LRMDA: variants seen among roughly 807,000 people sequenced by gnomAD.
The protein encoded by LRMDA is leucine rich melanocyte differentiation associated.
In LRMDA, 18 loss-of-function variants were observed where a neutral mutation model predicts 29.8. The observed-to-expected ratio is 0.60, with a 90% CI of 0.42 to 0.90. The LOEUF (loss-of-function observed/expected upper bound fraction) is 0.90. LRMDA is among the 40% of genes least tolerant of loss of function. The probability of loss-of-function intolerance (pLI) is 0.00; values close to 1 mark genes in which losing one functional copy is unlikely to be tolerated. For missense variants in LRMDA, 273 were observed against 273.9 expected, an observed-to-expected ratio of 1.00 and a Z score of 0.02; for synonymous variants, 125 against 109.4, an observed-to-expected ratio of 1.14 and a Z score of -0.89.
intron 2 of LRMDA, among the ~76,000 whole-genome samples, chr10:75,901,760 C>T (rs1369191449): frequency 2.6e-5 from 4 of 152,170 alleles, no homozygotes; most frequent in African/African-American, 9.7e-5. Context: ...ACTAATAGAA[C>T]AAGAGAAGCT....
At chr10:75,843,343 A>G (rs887287685) in intron 2 of LRMDA, among the ~76,000 whole-genome samples, 1 of 152,196 alleles carries the variant, frequency 6.6e-6, no homozygotes, top group South Asian at 2.1e-4. Context: ...TATTTTCTGT[A>G]TTGGAAGATG....
chr10:75,904,694 T>C (rs987409897), intron 2 of LRMDA, among the ~76,000 whole-genome samples: 2 of 152,224 alleles, frequency 1.3e-5, no homozygotes, highest in Non-Finnish European at 2.9e-5. Context: ...ACCAAGATTT[T>C]AATCAGCGCT....
chr10:75,505,736 A>T (rs560048664), intron 2 of LRMDA, among the ~76,000 whole-genome samples: 2 of 152,100 alleles, frequency 1.3e-5, no homozygotes, highest in African/African-American at 4.8e-5. Context: ...GCTGTCCCTG[A>T]TCCCTCCACC....
intron 2 of LRMDA, among the ~76,000 whole-genome samples, chr10:75,469,480 A>G (rs1844700303): frequency 1.3e-5 from 2 of 151,302 alleles, no homozygotes; most frequent in South Asian, 2.1e-4. Context: ...TTCCTTCCCA[A>G]CCCCTTTCTG....
At chr10:75,714,979 G>A (rs1052883350) in intron 2 of LRMDA, among the ~76,000 whole-genome samples, 1 of 151,952 alleles carries the variant, frequency 6.6e-6, no homozygotes, top group Non-Finnish European at 1.5e-5. Flanking sequence ...CAGGTCAAGG[G>A]GAACTGGTTT....
intron 6 of LRMDA, among the ~76,000 whole-genome samples, chr10:76,378,646 G>A (rs1841550270): frequency 6.6e-6 from 1 of 151,624 alleles, no homozygotes; most frequent in East Asian, 1.9e-4. Flanking sequence ...TAATCATATG[G>A]CTTTTGTTTT....
intron 2 of LRMDA, among the ~76,000 whole-genome samples, chr10:75,754,092 C>T (rs193231342): frequency 4.5e-4 from 68 of 152,314 alleles, no homozygotes; most frequent in Non-Finnish European, 8.7e-4. Flanking sequence ...ATGCACATTC[C>T]TGCTTCCAGC....
At chr10:76,465,110 G>T (rs1203057772) in intron 6 of LRMDA, among the ~76,000 whole-genome samples, 4 of 152,086 alleles carry the variant, frequency 2.6e-5, no homozygotes, top group Non-Finnish European at 5.9e-5. Context: ...ACTCTTGGTG[G>T]CCTCTCCATT....
chr10:75,803,246 T>C (rs1449101150), intron 2 of LRMDA, among the ~76,000 whole-genome samples: 3 of 152,174 alleles, frequency 2.0e-5, no homozygotes, highest in African/African-American at 7.2e-5. Context: ...TTGGTTTACT[T>C]ATCTGTCAAA....
intron 6 of LRMDA, among the ~76,000 whole-genome samples, chr10:76,552,408 C>G (rs1026849231): frequency 3.9e-5 from 6 of 152,156 alleles, no homozygotes; most frequent in African/African-American, 1.4e-4. Context: ...CCCAGAGGCC[C>G]CCTTCTATCC....
chr10:75,623,505 T>C (rs545127324), intron 2 of LRMDA, among the ~76,000 whole-genome samples: 1 of 152,274 alleles, frequency 6.6e-6, no homozygotes, highest in East Asian at 1.9e-4. Flanking sequence ...CCACAGTGAA[T>C]GGGCCAGGCT....
chr10:76,551,505 A>T (rs1010269267), intron 6 of LRMDA, among the ~76,000 whole-genome samples: 1 of 152,226 alleles, frequency 6.6e-6, no homozygotes, highest in Admixed American at 6.5e-5. Flanking sequence ...GGTTCAACCT[A>T]TAATTGTTTA....
chr10:76,188,920 G>T (rs1026182168), intron 5 of LRMDA, among the ~76,000 whole-genome samples: 3 of 143,616 alleles, frequency 2.1e-5, no homozygotes, highest in Non-Finnish European at 4.5e-5. Flanking sequence ...ATGCCTCTAG[G>T]CGAATGATTG....
chr10:75,633,891 A>G (rs1841358265), intron 2 of LRMDA, among the ~76,000 whole-genome samples: 1 of 152,234 alleles, frequency 6.6e-6, no homozygotes, highest in African/African-American at 2.4e-5. Flanking sequence ...CCAAGTGTTT[A>G]GTCAATAAAA....
At chr10:75,467,733 T>C (rs1844671506) in intron 2 of LRMDA, among the ~76,000 whole-genome samples, 1 of 151,766 alleles carries the variant, frequency 6.6e-6, no homozygotes, top group African/African-American at 2.4e-5. Flanking sequence ...GAGGCCGAGG[T>C]GGGCAGATCA....
chr10:75,650,744 G>C (rs747856439), intron 2 of LRMDA, among the ~76,000 whole-genome samples: 3 of 152,058 alleles, frequency 2.0e-5, no homozygotes, highest in African/African-American at 7.2e-5. Flanking sequence ...TAACTGGAAG[G>C]CTCAGATTTC....
chr10:75,564,835 C>G (rs867745671), intron 2 of LRMDA, among the ~76,000 whole-genome samples: 2 of 152,218 alleles, frequency 1.3e-5, no homozygotes, highest in African/African-American at 4.8e-5. Context: ...ATATTTTTCA[C>G]AAGCTTCAAA....
chr10:75,623,119 A>G (rs1841208414), intron 2 of LRMDA, among the ~76,000 whole-genome samples: 1 of 152,248 alleles, frequency 6.6e-6, no homozygotes, highest in South Asian at 2.1e-4. Context: ...TGTAAAGCAA[A>G]CAGTGAGACT....
chr10:76,119,206 T>C (rs1849725868), intron 5 of LRMDA, among the ~76,000 whole-genome samples: 1 of 152,054 alleles, frequency 6.6e-6, no homozygotes, highest in Non-Finnish European at 1.5e-5. Context: ...TAGCTGCCTC[T>C]GTATCTCTCG....
Sources: allele counts gnomAD v4.1 joint callset (sites outside exome capture counted in the v4.1 genomes callset), GRCh38; gene constraint gnomAD v4.1.1; transcripts MANE v1.5; gene names NCBI Gene and HGNC (gene_info 2026-07-23, HGNC 2026-07-21).